Variants in DAB1 observed in about 807,000 individuals in gnomAD.
DAB1 encodes DAB adaptor protein 1, also known as disabled homolog 1.
DAB1 carries 15 observed loss-of-function variants against 64.6 expected under a neutral mutation model. That is an observed-to-expected ratio of 0.23 (90% CI 0.16 to 0.36). The LOEUF (loss-of-function observed/expected upper bound fraction) is 0.36. Among genes scored for constraint, DAB1 ranks in the 10% least tolerant of loss-of-function variants. DAB1 has a pLI of 1.00. For missense variants in DAB1, 596 were observed against 706.7 expected (o/e 0.84, Z 1.78); for synonymous variants, 235 against 251.9 (o/e 0.93, Z 0.64).
At chr1:57,879,630 C>T (rs1364445470) in intron 1 of DAB1, among the ~76,000 whole-genome samples, 2 of 152,048 alleles carry the variant, frequency 1.3e-5, no homozygotes, top group Non-Finnish European at 2.9e-5. Flanking sequence ...AAAATCAAGC[C>T]TAGTTTTCAG....
intron 4 of DAB1, among the ~76,000 whole-genome samples, chr1:58,187,967 C>T (rs1218640545): frequency 1.3e-5 from 2 of 148,356 alleles, no homozygotes; most frequent in Non-Finnish European, 3.0e-5. Context: ...GGAGTGCAGT[C>T]CCTTGGTCTC....
chr1:57,625,247 C>T (rs1368846794), intron 7 of DAB1, among the ~76,000 whole-genome samples: 1 of 152,104 alleles, frequency 6.6e-6, no homozygotes, highest in Non-Finnish European at 1.5e-5. Flanking sequence ...TTTCCCTCCT[C>T]CTTCTTCTAC....
At chr1:57,568,917 C>T (rs1322617678) in intron 7 of DAB1, among the ~76,000 whole-genome samples, 1 of 152,178 alleles carries the variant, frequency 6.6e-6, no homozygotes, top group East Asian at 1.9e-4. Flanking sequence ...ACCCAGCCAT[C>T]CTATTACTGG....
chr1:57,700,641 T>C (rs922063536), intron 6 of DAB1, among the ~76,000 whole-genome samples: 1 of 152,222 alleles, frequency 6.6e-6, no homozygotes, highest in African/African-American at 2.4e-5. Context: ...CTTTGAGACT[T>C]TTATTTTTAT....
Position 58,086,220 on chromosome 1 carries a change from C to T in DAB1, n.387+64291G>A, listed in dbSNP as rs1650303195. On this transcript the variant is annotated intron_variant and non_coding_transcript_variant, in intron 5 of 20. Coordinates refer to the DAB1 transcript ENST00000485760. ...CCTCGTGATCCGCCCGCCTCGGCCT[C>T]CCAAAGTGCTGGGATTACAGGCGTG... Among the ~76,000 whole-genome samples, 2 of 152,024 alleles carry T rather than the reference C, an allele frequency of 1.3e-5. 1 individual carries two copies. The highest frequency in any genetic ancestry group is 1.3e-4 in the Admixed American group (2 of 15,274).
At chr1:57,029,842 T>C (rs182167339) in intron 9 of DAB1, among the ~76,000 whole-genome samples, 3 of 152,340 alleles carry the variant, frequency 2.0e-5, no homozygotes, top group Non-Finnish European at 4.4e-5. Context: ...AGCTTGCTTT[T>C]GATTTTACAG....
At chr1:57,474,521 T>G (rs2101217079) in intron 7 of DAB1, among the ~76,000 whole-genome samples, 1 of 152,308 alleles carries the variant, frequency 6.6e-6, no homozygotes. Context: ...TTCCTGTAGT[T>G]TTTTTCCAGT....
At chr1:58,050,818 C>T (rs1008476606) in intron 5 of DAB1, among the ~76,000 whole-genome samples, 4 of 152,140 alleles carry the variant, frequency 2.6e-5, no homozygotes, top group Non-Finnish European at 4.4e-5. Flanking sequence ...CGTGAGCCAC[C>T]GCACCCGGCC....
intron 4 of DAB1, among the ~76,000 whole-genome samples, chr1:58,321,142 C>G (rs1391014905): frequency 6.6e-6 from 1 of 152,154 alleles, no homozygotes; most frequent in Non-Finnish European, 1.5e-5. Flanking sequence ...CTCAGAGCCT[C>G]CATTAACTAT....
At chr1:57,681,541 T>A (rs1021526097) in intron 6 of DAB1, among the ~76,000 whole-genome samples, 3 of 152,014 alleles carry the variant, frequency 2.0e-5, no homozygotes, top group Non-Finnish European at 4.4e-5. Context: ...AATAAGGAAA[T>A]AAATAAAATC....
intron 5 of DAB1, among the ~76,000 whole-genome samples, chr1:58,000,593 CAG>C: frequency 9.6e-6 from 1 of 104,002 alleles, no homozygotes; most frequent in East Asian, 3.3e-4. Flanking sequence ...TTTTTTGAGA[CAG>C]AGTCTCGCTC....
chr1:57,747,756 C>CCAATATCG, intron 6 of DAB1, among the ~76,000 whole-genome samples: 1 of 139,662 alleles, frequency 7.2e-6, no homozygotes, highest in East Asian at 2.1e-4. Context: ...TTGCAGTGAG[C>CCAATATCG]CAATATCGCG....
rs1375797547 is a variant in DAB1, at chr1:56,995,711, G to T, written c.*2433C>A. The T allele has an allele frequency of 6.6e-6, 1 of 152,210 alleles. No individual in the cohort carries two copies. Among genetic ancestry groups the T allele is most frequent in the African/African-American group, 2.4e-5 (1 of 41,454 alleles). 9.4% of individuals were successfully genotyped at this position (152,210 alleles called of 1,614,324 possible). A position where few individuals can be genotyped will look rare whatever the true frequency, so the allele number is the denominator to read the frequency against. On this transcript the variant is annotated 3_prime_UTR_variant, in exon 15 of 15. Coordinates refer to ENST00000371236, the MANE Select transcript of DAB1 (RefSeq NM_001365792.1). ...AACTCAAGACAGCCATATTGAGGGA[G>T]AAGATAGCACCACTTGTTTAGAATC...
At chr1:57,110,050 T>C (rs1367532676) in intron 4 of DAB1, among the ~76,000 whole-genome samples, 1 of 152,108 alleles carries the variant, frequency 6.6e-6, no homozygotes, top group Non-Finnish European at 1.5e-5. Flanking sequence ...AGATCAACCT[T>C]GAGAGTAGTT....
At chr1:57,342,301 C>T (rs1182917077) in intron 1 of DAB1, among the ~76,000 whole-genome samples, 1 of 152,134 alleles carries the variant, frequency 6.6e-6, no homozygotes, top group Non-Finnish European at 1.5e-5. Context: ...AAAGTTCCTT[C>T]ACTGTACACT....
rs116224881 is a variant in DAB1 at position 58,473,955 on chromosome 1, T to G, written n.257+32105A>C. The G allele has an allele frequency of 1.0e-3, 1,286 of 1,275,818 alleles. 19 individuals are homozygous for G. In the African/African-American group the frequency reaches 0.018, roughly 18 times the overall value. 79.0% of individuals were successfully genotyped at this position (1,275,818 alleles called of 1,614,324 possible). A position where few individuals can be genotyped will look rare whatever the true frequency, so the allele number is the denominator to read the frequency against. ...CTGTTCTGGCTGTTCAATAAACTTC[T>G]CTTCCCGGACAAGCTGTCACATGCA... is the stretch of plus-strand genomic sequence containing the variant. On this transcript the variant is annotated intron_variant and non_coding_transcript_variant, in intron 3 of 20. Coordinates refer to the DAB1 transcript ENST00000485760.
chr1:57,226,673 ATATATATATAT>A (rs1557978297), intron 2 of DAB1, among the ~76,000 whole-genome samples: 5 of 121,750 alleles, frequency 4.1e-5, no homozygotes, highest in African/African-American at 1.5e-4. Context: ...TAAAAAAAAA[ATATATATATAT>A]ATATATATAT....
At chr1:57,682,784 C>A (rs1646651482) in intron 6 of DAB1, among the ~76,000 whole-genome samples, 1 of 152,132 alleles carries the variant, frequency 6.6e-6, no homozygotes, top group African/African-American at 2.4e-5. Context: ...GGTGTCCATC[C>A]CCCAGGACTT....
At chr1:57,298,294 T>A (rs1040621599) in intron 1 of DAB1, among the ~76,000 whole-genome samples, 2 of 152,084 alleles carry the variant, frequency 1.3e-5, no homozygotes, top group African/African-American at 4.8e-5. Context: ...CTGCTGTAGG[T>A]GTGAAAGGTA....
Sources: gnomAD v4.1 joint callset for allele counts (sites outside exome capture counted in the v4.1 genomes callset) on GRCh38, gnomAD v4.1.1 for gene constraint, MANE v1.5 for transcripts, NCBI Gene and HGNC (gene_info 2026-07-23, HGNC 2026-07-21) for gene names.